Variants in PPARG observed in about 807,000 individuals in gnomAD.
The protein encoded by PPARG is peroxisome proliferator-activated receptor gamma.
Under a neutral mutation model 39.2 loss-of-function variants are expected in PPARG, and 17 were observed. The ratio of observed to expected loss-of-function variants is 0.43; its 90% CI spans 0.30 to 0.65. The LOEUF (loss-of-function observed/expected upper bound fraction) is 0.65. Ranked by LOEUF, PPARG falls within the 30% of genes least tolerant of loss-of-function variation. PPARG has a pLI of 0.13. For synonymous variants in PPARG, 223 were observed against 215.7 expected (o/e 1.03, Z -0.30); for missense variants, 406 against 585.9 (o/e 0.69, Z 3.17).
upstream of PPARG, chr3:12,288,878 C>G (rs1011044224): frequency 6.6e-6 from 1 of 152,378 alleles, no homozygotes; most frequent in African/African-American, 2.4e-5. Context: ...GACCACTCCT[C>G]CTGGGAGCCT....
intron 1 of PPARG, among the ~76,000 whole-genome samples, chr3:12,293,848 A>T (rs2046711976): frequency 6.6e-6 from 1 of 152,206 alleles, no homozygotes; most frequent in South Asian, 2.1e-4. Flanking sequence ...TGCAATGATG[A>T]AGTTCCGGAA....
chr3:12,399,633 AAGGG>A (rs1176234376), intron 5 of PPARG: 1 of 130,414 alleles, frequency 7.7e-6, no homozygotes, highest in East Asian at 2.6e-4. Context: ...GAAAGGATGG[AAGGG>A]AGGAAGGAAG....
chr3:12,396,708 T>C (rs1392475643), intron 5 of PPARG, among the ~76,000 whole-genome samples: 1 of 145,504 alleles, frequency 6.9e-6, no homozygotes, highest in Admixed American at 7.1e-5. Flanking sequence ...CAGTGAGCCA[T>C]GATTGCACCA....
chr3:12,390,364 A>C (rs1336816113), intron 4 of PPARG, among the ~76,000 whole-genome samples: 1 of 152,186 alleles, frequency 6.6e-6, no homozygotes, highest in South Asian at 2.1e-4. Context: ...TCATAATAGC[A>C]AAAAATTGAT....
intron 2 of PPARG, among the ~76,000 whole-genome samples, chr3:12,319,279 G>T (rs2047473702): frequency 6.6e-6 from 1 of 152,124 alleles, no homozygotes; most frequent in Non-Finnish European, 1.5e-5. Context: ...AGCTCCCACT[G>T]GGGAAATACC....
intron 5 of PPARG, among the ~76,000 whole-genome samples, chr3:12,396,218 T>C (rs2050253899): frequency 6.6e-6 from 1 of 151,908 alleles, no homozygotes; most frequent in Admixed American, 6.6e-5. Context: ...GCCTCCCAGG[T>C]TCAAGCAATT....
rs1028041530 is a variant in PPARG, at chr3:12,348,449, C to T, written c.-8-31255C>T. Among the ~76,000 whole-genome samples the T allele has an allele frequency of 3.3e-5, 5 of 152,212 alleles. No homozygotes were observed. The East Asian group carries it at 9.6e-4, about 29-fold the overall frequency. On this transcript the variant is annotated intron_variant, in intron 2 of 7. Coordinates refer to ENST00000651735, the MANE Select transcript of PPARG (RefSeq NM_138711.6). The stretch of plus-strand genomic sequence containing the variant: ...TGTTGAAGAGTAGCTTTCTCTAATA[C>T]CAAGCGGTCAATTTTTTCAAATATC...
intron 4 of PPARG, among the ~76,000 whole-genome samples, chr3:12,382,823 T>G (rs2049730649): frequency 6.6e-6 from 1 of 152,030 alleles, no homozygotes; most frequent in Admixed American, 6.5e-5. Context: ...TTTAAAAAAT[T>G]AACCAGGCAT....
At chr3:12,303,420 C>T (rs1430872872) in intron 1 of PPARG, among the ~76,000 whole-genome samples, 2 of 152,078 alleles carry the variant, frequency 1.3e-5, no homozygotes, top group Admixed American at 6.6e-5. Flanking sequence ...AGGCTGGTTT[C>T]GAACTCCTGA....
intron 5 of PPARG, among the ~76,000 whole-genome samples, chr3:12,398,030 AAGGCT>A (rs1559524334): frequency 1.3e-5 from 2 of 152,138 alleles, no homozygotes; most frequent in Admixed American, 6.5e-5. Flanking sequence ...CCTGACATTC[AAGGCT>A]GCATTCAAAT....
chr3:12,362,047 AT>A (rs908990394), intron 2 of PPARG, among the ~76,000 whole-genome samples: 1 of 152,034 alleles, frequency 6.6e-6, no homozygotes. Flanking sequence ...ATTTTGTTAG[AT>A]TTTTTCCCCT....
chr3:12,293,266 A>C lies in PPARG; in HGVS notation c.-83+4132A>C, dbSNP rs376075480. Among the ~76,000 whole-genome samples, 23 of 152,308 alleles carry C rather than the reference A, an allele frequency of 1.5e-4. No individual in the cohort carries two copies. The East Asian group carries it at 3.7e-3, about 24-fold the overall frequency. ...GTGTAAGTTCAGTTCAGTTGGATTCAATATCTGTTTAGGAAGCATTTTTAT... is the reference window on the plus strand; with the variant it reads ...GTGTAAGTTCAGTTCAGTTGGATTCCATATCTGTTTAGGAAGCATTTTTAT... On this transcript the variant is annotated intron_variant, in intron 1 of 7. Coordinates refer to ENST00000651735, the MANE Select transcript of PPARG (RefSeq NM_138711.6).
intron 2 of PPARG, among the ~76,000 whole-genome samples, chr3:12,371,330 A>G (rs2049204657): frequency 6.6e-6 from 1 of 152,208 alleles, no homozygotes; most frequent in Non-Finnish European, 1.5e-5. Flanking sequence ...TGTTCAAAAC[A>G]GCAAACGGCA....
chr3:12,322,214 G>T (rs550047151), intron 2 of PPARG, among the ~76,000 whole-genome samples: 5 of 152,216 alleles, frequency 3.3e-5, no homozygotes, highest in Non-Finnish European at 7.3e-5. Flanking sequence ...TTCACAGACT[G>T]GCTAGCGCTT....
intron 2 of PPARG, among the ~76,000 whole-genome samples, chr3:12,360,250 G>C (rs184899802): frequency 1.6e-4 from 25 of 152,166 alleles, no homozygotes; most frequent in Non-Finnish European, 3.4e-4. Context: ...GCCTCAAGTG[G>C]TCCTCCCATC....
intron 1 of PPARG, among the ~76,000 whole-genome samples, chr3:12,290,453 A>C (rs1189638391): frequency 6.6e-6 from 1 of 152,100 alleles, no homozygotes; most frequent in Non-Finnish European, 1.5e-5. Flanking sequence ...TTTTAATGAT[A>C]AAATATAATA....
At chr3:12,345,184 T>G (rs2048291153) in intron 2 of PPARG, among the ~76,000 whole-genome samples, 1 of 152,114 alleles carries the variant, frequency 6.6e-6, no homozygotes, top group African/African-American at 2.4e-5. Flanking sequence ...AACAAAAACA[T>G]CATACCAGAA....
chr3:12,433,831 C>T, intron 7 of PPARG, 67 bp from the exon 8 acceptor site: 1 of 1,611,214 alleles, frequency 6.2e-7, no homozygotes, highest in Non-Finnish European at 8.5e-7. Flanking sequence ...GCCTAGGCCT[C>T]CAAGGCGGGG....
intron 2 of PPARG, among the ~76,000 whole-genome samples, chr3:12,314,603 A>G (rs144293428): frequency 6.6e-6 from 1 of 152,286 alleles, no homozygotes; most frequent in East Asian, 1.9e-4. Context: ...TCTTCAAAAT[A>G]TCTGACCCTC....
Sources: allele counts gnomAD v4.1 joint callset (sites outside exome capture counted in the v4.1 genomes callset), GRCh38; gene constraint gnomAD v4.1.1; transcripts MANE v1.5; gene names NCBI Gene and HGNC (gene_info 2026-07-23, HGNC 2026-07-21).